Variants in GLYCTK observed in about 807,000 individuals in gnomAD.
GLYCTK encodes the protein HBeAg binding protein 4.
GLYCTK carries 22 observed loss-of-function variants against 24.8 expected under a neutral mutation model. The ratio of observed to expected loss-of-function variants is 0.89; its 90% CI spans 0.63 to 1.27. The LOEUF is 1.27. GLYCTK is among the 50% of genes most tolerant of loss of function. GLYCTK has a pLI of 0.00. For missense variants in GLYCTK, 684 were observed against 686.7 expected, an observed-to-expected ratio of 1.00 and a Z score of 0.04; for synonymous variants, 320 against 297.2, an observed-to-expected ratio of 1.08 and a Z score of -0.79.
rs777551411 is a variant in GLYCTK at position 52,294,361 on chromosome 3, G to A, written c.*1235G>A. 10 of 533,338 alleles carry A rather than the reference G, an allele frequency of 1.9e-5. No homozygotes were observed. The highest frequency in any genetic ancestry group is 9.7e-5 in the Admixed American group (5 of 51,432). The allele number at this position is 533,338 out of a possible 1,614,324, so 33.0% of individuals were successfully genotyped here. A position where few individuals can be genotyped will look rare whatever the true frequency, so the allele number is the denominator to read the frequency against. On this transcript the variant is annotated 3_prime_UTR_variant, in exon 5 of 5. Coordinates refer to ENST00000436784, the MANE Select transcript of GLYCTK (RefSeq NM_145262.4). ...ACCCCAACCCTCCCCTCCTCCCTGA[G>A]GGTGTGGAGGGGCCCTGGGCCAGGG...
chr3:52,291,837 CCACCATCCAGGAGTTGAA>C lies in GLYCTK; in HGVS notation c.627_644del (p.Gln210_Ile215del), dbSNP rs1432324172. 6.2e-7 allele frequency: 1 copy of C among 1,613,928 alleles called. No homozygotes were observed. The highest frequency in any genetic ancestry group is 2.2e-5 in the East Asian group (1 of 44,876). On this transcript the variant is annotated inframe_deletion, in exon 4 of 5. Coordinates refer to ENST00000436784, the MANE Select transcript of GLYCTK (RefSeq NM_145262.4). The stretch of plus-strand genomic sequence containing the variant: ...ACTAGACTGCTGGCAGCCCGTGGAG[CCACCATCCAGGAGTTGAA>C]CACCATTCGGAAGGCCCTGTCCCAG...
In GLYCTK at chr3:52,290,369, C is replaced by T; in HGVS notation, c.27C>T (p.Pro9=). The T allele has an allele frequency of 6.2e-7, 1 of 1,600,470 alleles. No individual in the cohort carries two copies. Reference sequence around the variant, plus strand: ...TGGCTGCAGCCCTGCAGGTCCTGCCCCGCTTGGCCCGAGCCCCCTTGCATC... The same window carrying T: ...TGGCTGCAGCCCTGCAGGTCCTGCCTCGCTTGGCCCGAGCCCCCTTGCATC... MAAALQVL[P]RLARAPLHPL... Residue 9 remains proline (P), a synonymous_variant, in exon 2 of 5, where the codon CCC becomes CCT. Coordinates refer to ENST00000436784, the MANE Select transcript of GLYCTK (RefSeq NM_145262.4).
chr3:52,288,045 T>C (rs920951687), intron 1 of GLYCTK, 169 bp downstream of exon 1: 5 of 288,392 alleles, frequency 1.7e-5, no homozygotes, highest in Non-Finnish European at 3.6e-5. Context: ...TCCGGCCCCC[T>C]ACTGTCTAGG....
chr3:52,289,891 A>C (rs1218220182), intron 1 of GLYCTK, among the ~76,000 whole-genome samples: 1 of 152,234 alleles, frequency 6.6e-6, no homozygotes, highest in Non-Finnish European at 1.5e-5. Flanking sequence ...AAGGAGTGCC[A>C]GAAAGGGGCG....
chr3:52,291,159 TGATCTCTCAGGTCTTC>T, intron 3 of GLYCTK, 48 bp downstream of exon 3: 1 of 1,591,668 alleles, frequency 6.3e-7, no homozygotes. Context: ...GTGCACCACC[TGATCTCTCAGGTCTTC>T]GAGAGATCAG....
rs773558394 is a variant in GLYCTK at position 52,290,543 on chromosome 3, G to A, written c.201G>A (p.Gln67=). Residue 67 remains glutamine (Q), a synonymous_variant, in exon 2 of 5, where the codon CAG becomes CAA. Coordinates refer to ENST00000436784, the MANE Select transcript of GLYCTK (RefSeq NM_145262.4). ...TATCCTTGGACCCTGGTGGCAGACA[G>A]CTGAAGGTGCGGGACCGGAACTTTC... ...RALSLDPGGR[Q]LKVRDRNFQL... The A allele has an allele frequency of 1.2e-6, 2 of 1,613,712 alleles. No homozygotes were observed. The highest frequency in any genetic ancestry group is 4.5e-5 in the East Asian group (2 of 44,890).
In GLYCTK at chr3:52,292,973, TG is replaced by T; in HGVS notation, c.1420del (p.Ala474GlnfsTer7). Reference sequence around the variant, plus strand: ...TCACACCTGAGCTTGCCAGCCAGGCTGCAGCTGAGGGCCTGGACATAGCCAC... The same window carrying T: ...TCACACCTGAGCTTGCCAGCCAGGCTCAGCTGAGGGCCTGGACATAGCCAC... ...WVTPELASQA[A>X]AEGLDIATFL... On this transcript the variant is annotated frameshift_variant, in exon 5 of 5. Coordinates refer to ENST00000436784, the MANE Select transcript of GLYCTK (RefSeq NM_145262.4). LOFTEE classifies it high-confidence loss of function. The T allele has an allele frequency of 6.2e-7, 1 of 1,614,120 alleles. No individual in the cohort carries two copies. Among genetic ancestry groups the T allele is most frequent in the Non-Finnish European group, 8.5e-7 (1 of 1,180,000 alleles).
rs1700523407 is a variant in GLYCTK, at chr3:52,292,765, T to A, written c.1211T>A (p.Leu404Gln). 6.2e-7 allele frequency: 1 copy of A among 1,607,490 alleles called. No homozygotes were observed. Among genetic ancestry groups the A allele is most frequent in the Non-Finnish European group, 8.5e-7 (1 of 1,176,456 alleles). ...GCATGGGGAAGGGGCCCAGTCTGCC[T>A]GCTGGCTGGTGGCGAGCCCACAGTA... ...TMAWGRGPVCLLAGGEPTVQL... is the reference protein window; with the variant it reads ...TMAWGRGPVCQLAGGEPTVQL... The change falls in exon 5 of 5, where the codon CTG becomes CAG. Residue 404 changes from leucine (L) to glutamine (Q), a missense_variant. Physicochemically the swap from Leu to Gln is moderately radical, Grantham distance 113 (BLOSUM62 -2). Coordinates refer to ENST00000436784, the MANE Select transcript of GLYCTK (RefSeq NM_145262.4).
intron 1 of GLYCTK, chr3:52,288,497 A>G (rs1700358667): frequency 6.6e-6 from 1 of 152,326 alleles, no homozygotes; most frequent in Non-Finnish European, 1.5e-5. Context: ...GGCGTGAGCC[A>G]CTGCGCCGGG....
At position 52,291,007 on chromosome 3, in the gene GLYCTK, C is replaced by A. The variant is rs762737029; in HGVS notation, c.425C>A (p.Ala142Glu). The change falls in exon 3 of 5, where the codon GCG becomes GAG. Residue 142 changes from alanine (A) to glutamate (E), a missense_variant. By Grantham distance (107) the Ala-to-Glu change is moderately radical. Transcript: ENST00000436784. ...AGCCGTGTCCAGGTATTCGAGGGTG[C>A]GGAGGACAACCTCCCGGACCGCGAT... ...PHSRVQVFEG[A>E]EDNLPDRDAL... 14 of 1,613,964 alleles carry A rather than the reference C, an allele frequency of 8.7e-6. No individual in the cohort carries two copies. Among genetic ancestry groups the A allele is most frequent in the Admixed American group, 1.7e-5 (1 of 60,022 alleles).
intron 1 of GLYCTK, chr3:52,288,852 G>A (rs760066079): frequency 1.3e-5 from 2 of 152,132 alleles, no homozygotes; most frequent in African/African-American, 2.4e-5. Flanking sequence ...ACCCATTTTC[G>A]GAATCCCCAT....
In GLYCTK at chr3:52,295,035, A is replaced by G. The variant is rs772114060; in HGVS notation, c.*1909A>G. The G allele has an allele frequency of 8.8e-6, 4 of 453,828 alleles. No individual in the cohort carries two copies. Among genetic ancestry groups the G allele is most frequent in the South Asian group, 6.2e-5 (4 of 64,478 alleles). 28.1% of individuals were successfully genotyped at this position (453,828 alleles called of 1,614,324 possible). On this transcript the variant is annotated 3_prime_UTR_variant, in exon 5 of 5. Transcript: ENST00000436784. ...CCTGCTCTACATTGACCCCTTCCCTATACTTCTGTTTGTAGGGGCTGGGAG... is the reference window on the plus strand; with the variant it reads ...CCTGCTCTACATTGACCCCTTCCCTGTACTTCTGTTTGTAGGGGCTGGGAG...
In GLYCTK at chr3:52,294,886, G is replaced by C. The variant is rs1305949302; in HGVS notation, c.*1760G>C. On this transcript the variant is annotated 3_prime_UTR_variant, in exon 5 of 5. Coordinates refer to ENST00000436784, the MANE Select transcript of GLYCTK (RefSeq NM_145262.4). Reference sequence around the variant, plus strand: ...GGTGTGTGAGTATACAGACGTTGGTGTTGGCGTACTCAGAGTGGGAATGCA... The same window carrying C: ...GGTGTGTGAGTATACAGACGTTGGTCTTGGCGTACTCAGAGTGGGAATGCA... 1 of 453,976 alleles carries C rather than the reference G, an allele frequency of 2.2e-6. No individual in the cohort carries two copies. The highest frequency in any genetic ancestry group is 4.4e-6 in the Non-Finnish European group (1 of 226,792). The allele number at this position is 453,976 out of a possible 1,614,324, so 28.1% of individuals were successfully genotyped here.
At position 52,293,589 on chromosome 3, in the gene GLYCTK, A is replaced by G. The variant is rs867738340; in HGVS notation, c.*463A>G. The G allele has an allele frequency of 2.8e-5, 13 of 456,890 alleles. No homozygotes were observed. The highest frequency in any genetic ancestry group is 6.5e-4 in the Middle Eastern group (1 of 1,532). 28.3% of individuals were successfully genotyped at this position (456,890 alleles called of 1,614,324 possible). On this transcript the variant is annotated 3_prime_UTR_variant, in exon 5 of 5. Coordinates refer to ENST00000436784, the MANE Select transcript of GLYCTK (RefSeq NM_145262.4). ...CTGGCAGGACTCTTAACACCCCTCT[A>G]CTGGGCTGGGTACGTGCAGGATGTG... is the stretch of plus-strand genomic sequence containing the variant.
At chr3:52,291,951 T>C in intron 4 of GLYCTK, 29 bp downstream of exon 4, 1 of 1,603,342 alleles carries the variant, frequency 6.2e-7, no homozygotes, top group Non-Finnish European at 8.5e-7. Context: ...CCAGGCAACC[T>C]TGGGTTGGTG....
In GLYCTK at chr3:52,293,917, C is replaced by G. The variant is rs761907654; in HGVS notation, c.*791C>G. The G allele has an allele frequency of 4.4e-6, 2 of 453,934 alleles. No individual in the cohort carries two copies. Among genetic ancestry groups the G allele is most frequent in the Admixed American group, 4.7e-5 (2 of 42,562 alleles). The allele number at this position is 453,934 out of a possible 1,614,324, so 28.1% of individuals were successfully genotyped here. A position where few individuals can be genotyped will look rare whatever the true frequency, so the allele number is the denominator to read the frequency against. On this transcript the variant is annotated 3_prime_UTR_variant, in exon 5 of 5. Transcript: ENST00000436784. ...TTGTCCCACCCCCCAGTGCTGTTTC[C>G]TTGTGACAGCCCTTGTCCTAGGCTG...
At chr3:52,290,280 C>G in intron 1 of GLYCTK, 24 bp from the exon 2 acceptor site, 2 of 1,566,824 alleles carry the variant, frequency 1.3e-6, no homozygotes, top group Non-Finnish European at 1.7e-6. Context: ...TTGCAAGGGC[C>G]TCAGTTGTGC....
intron 2 of GLYCTK, 118 bp downstream of exon 2, chr3:52,290,837 T>TGGCCC (rs1379497520): frequency 7.6e-6 from 12 of 1,581,718 alleles, no homozygotes; most frequent in Non-Finnish European, 1.0e-5. Flanking sequence ...GGATCTGGCC[T>TGGCCC]GGCCCCAGGA....
Position 52,290,402 on chromosome 3 carries a change from C to T in GLYCTK, c.60C>T (p.Leu20=). 1 of 1,608,666 alleles carries T rather than the reference C, an allele frequency of 6.2e-7. No homozygotes were observed. The highest frequency in any genetic ancestry group is 8.5e-7 in the Non-Finnish European group (1 of 1,179,936). ...CCCGAGCCCCCTTGCATCCACTCCTCTGGCGGGGCTCAGTGGCCCGTCTGG... is the reference window on the plus strand; with the variant it reads ...CCCGAGCCCCCTTGCATCCACTCCTTTGGCGGGGCTCAGTGGCCCGTCTGG... The part of the protein sequence containing the change: ...RLARAPLHPL[L]WRGSVARLAS... Residue 20 remains leucine, a synonymous_variant, in exon 2 of 5, where the codon CTC becomes CTT. Coordinates refer to ENST00000436784, the MANE Select transcript of GLYCTK (RefSeq NM_145262.4).
Sources: gnomAD v4.1 joint callset for allele counts (sites outside exome capture counted in the v4.1 genomes callset) on GRCh38, gnomAD v4.1.1 for gene constraint, MANE v1.5 for transcripts, NCBI Gene and HGNC (gene_info 2026-07-23, HGNC 2026-07-21) for gene names.